Variants in KIAA0232 observed in about 807,000 individuals in gnomAD.
The protein encoded by KIAA0232 is KIAA0232, also known as uncharacterized protein KIAA0232.
KIAA0232 carries 27 observed loss-of-function variants against 122.0 expected under a neutral mutation model. That is an observed-to-expected ratio of 0.22 (90% CI 0.16 to 0.31). The LOEUF is 0.31. Among genes scored for constraint, KIAA0232 ranks in the 10% least tolerant of loss-of-function variants. The pLI, the probability that KIAA0232 is intolerant of heterozygous loss-of-function variation, is 1.00. For missense variants in KIAA0232, 1,551 were observed against 1,634.2 expected (o/e 0.95, Z 0.88); for synonymous variants, 613 against 587.6 (o/e 1.04, Z -0.63).
intron 3 of KIAA0232, among the ~76,000 whole-genome samples, chr4:6,835,078 C>T (rs1318932743): frequency 6.6e-6 from 1 of 152,092 alleles, no homozygotes; most frequent in Non-Finnish European, 1.5e-5. Context: ...AGCTGGAAGG[C>T]CCAAGATAGC....
intron 9 of KIAA0232, among the ~76,000 whole-genome samples, chr4:6,877,809 A>G (rs944603258): frequency 3.9e-5 from 6 of 152,122 alleles, no homozygotes; most frequent in Admixed American, 3.9e-4. Context: ...TCCTTTGGCA[A>G]CACCCCCACA....
rs780732536 is a variant in KIAA0232, at chr4:6,861,866, A to G, written c.1484A>G (p.Asn495Ser). 9 of 1,613,990 alleles carry G rather than the reference A, an allele frequency of 5.6e-6. No individual in the cohort carries two copies. Among genetic ancestry groups the G allele is most frequent in the African/African-American group, 2.7e-5 (2 of 74,944 alleles). ...GTSLCSLPEDNKYLDDIHLSE... is the reference protein window; with the variant it reads ...GTSLCSLPEDSKYLDDIHLSE... ...TCATTATGTTCTCTACCAGAGGACA[A>G]TAAATACCTGGATGATATTCATCTA... The change falls in exon 7 of 10, where the codon AAT becomes AGT. Residue 495 changes from asparagine (N) to serine (S), a missense_variant. Physicochemically the swap from Asn to Ser is conservative, Grantham distance 46. Transcript: ENST00000307659.
intron 5 of KIAA0232, among the ~76,000 whole-genome samples, chr4:6,857,705 T>G (rs1285891042): frequency 2.0e-5 from 3 of 152,220 alleles, no homozygotes; most frequent in Admixed American, 2.0e-4. Context: ...TTGACTCAGC[T>G]TTTTTGAAAA....
intron 2 of KIAA0232, among the ~76,000 whole-genome samples, chr4:6,820,251 ATAAAAG>A (rs1244167873): frequency 6.6e-6 from 1 of 152,184 alleles, no homozygotes; most frequent in Non-Finnish European, 1.5e-5. Flanking sequence ...TGAATCTAAA[ATAAAAG>A]TTAAAAAGAA....
chr4:6,849,300 C>A (rs1330800430), intron 4 of KIAA0232, among the ~76,000 whole-genome samples: 1 of 152,078 alleles, frequency 6.6e-6, no homozygotes, highest in African/African-American at 2.4e-5. Flanking sequence ...GGAAGACAGC[C>A]AAGGGTTTTG....
At chr4:6,794,426 G>T (rs755828855) in intron 1 of KIAA0232, among the ~76,000 whole-genome samples, 2 of 152,192 alleles carry the variant, frequency 1.3e-5, no homozygotes, top group Non-Finnish European at 2.9e-5. Context: ...GGTGATCTGA[G>T]CAGGGCACCT....
In KIAA0232 at chr4:6,842,139, G is replaced by A. The variant is rs1486481805; in HGVS notation, c.304G>A (p.Asp102Asn). ...KWGKSKKKCS[D>N]LTLEEMKKQA... ...GGGAAAGAGTAAGAAAAAATGTTCA[G>A]ATCTAACTCTAGAAGAAATGAAAAA... Residue 102 changes from aspartate to asparagine, a missense_variant, in exon 4 of 10, where the codon GAT becomes AAT. Coordinates refer to ENST00000307659, the MANE Select transcript of KIAA0232 (RefSeq NM_014743.3). The A allele has an allele frequency of 6.2e-7, 1 of 1,612,830 alleles. No individual in the cohort carries two copies. Among genetic ancestry groups the A allele is most frequent in the East Asian group, 2.2e-5 (1 of 44,788 alleles).
intron 1 of KIAA0232, among the ~76,000 whole-genome samples, chr4:6,786,390 C>T (rs1716617783): frequency 6.6e-6 from 1 of 152,218 alleles, no homozygotes; most frequent in Non-Finnish European, 1.5e-5. Flanking sequence ...GTAGCCTCAA[C>T]CTCCCAGGCT....
At chr4:6,817,844 A>C (rs1262635662) in intron 2 of KIAA0232, among the ~76,000 whole-genome samples, 1 of 152,106 alleles carries the variant, frequency 6.6e-6, no homozygotes, top group East Asian at 1.9e-4. Context: ...ATGTTTTGCA[A>C]GTATGCTGTT....
At position 6,864,135 on chromosome 4, in the gene KIAA0232, G is replaced by T; in HGVS notation, c.3753G>T (p.Gln1251His). Residue 1251 changes from glutamine (Q) to histidine (H), a missense_variant, in exon 7 of 10, where the codon CAG becomes CAT. Gln to His is a conservative substitution (Grantham distance 24). Around this residue, in one of 5 missense-constraint regions of KIAA0232, gnomAD observed 1,108 missense variants for 1,154.8 expected, o/e 0.96. Coordinates refer to ENST00000307659, the MANE Select transcript of KIAA0232 (RefSeq NM_014743.3). ...TTTGTGGTTGCAAAGCAGGTTGTCA[G>T]TTTCCTGCTTATGAAGATAATCCAG... is the stretch of plus-strand genomic sequence containing the variant. Reference protein sequence around the residue: ...NNFCGCKAGCQFPAYEDNPVS... With the variant: ...NNFCGCKAGCHFPAYEDNPVS... The T allele has an allele frequency of 1.2e-6, 2 of 1,614,072 alleles. No homozygotes were observed. The highest frequency in any genetic ancestry group is 1.7e-6 in the Non-Finnish European group (2 of 1,179,988).
chr4:6,856,077 A>G (rs564654703), intron 4 of KIAA0232, among the ~76,000 whole-genome samples: 2 of 152,200 alleles, frequency 1.3e-5, no homozygotes, highest in East Asian at 1.9e-4. Flanking sequence ...GATGTTTACA[A>G]TTAACTGTTT....
Position 6,846,386 on chromosome 4 carries a change from C to T in KIAA0232, c.369+4182C>T, listed in dbSNP as rs189648968. On this transcript the variant is annotated intron_variant, in intron 4 of 9. Transcript: ENST00000307659. ...GGGCTGCACAGCAGGAGGTGAACAG[C>T]GAGCAAGCTTTACCGCCTGAGCTCC... 3.0e-4 allele frequency among the ~76,000 whole-genome samples: 45 copies of T among 152,262 alleles called. 1 individual carries two copies. The East Asian group carries it at 7.7e-3, about 26-fold the overall frequency.
At chr4:6,785,627 G>A (rs1203528866) in intron 1 of KIAA0232, among the ~76,000 whole-genome samples, 1 of 152,156 alleles carries the variant, frequency 6.6e-6, no homozygotes, top group East Asian at 1.9e-4. Context: ...CAGGCTCCTC[G>A]CCACCCCTTC....
At chr4:6,831,024 C>CT (rs934670901) in intron 3 of KIAA0232, among the ~76,000 whole-genome samples, 4 of 151,010 alleles carry the variant, frequency 2.6e-5, no homozygotes, top group African/African-American at 9.7e-5. Context: ...CTTTCTTTCT[C>CT]TTTTTTTTTA....
At chr4:6,867,921 A>G (rs1721271505) in intron 7 of KIAA0232, among the ~76,000 whole-genome samples, 2 of 152,176 alleles carry the variant, frequency 1.3e-5, no homozygotes, top group South Asian at 4.1e-4. Flanking sequence ...GAAGACTTAG[A>G]CCAGCAGTTC....
chr4:6,870,857 T>A (rs1032760444), intron 7 of KIAA0232, among the ~76,000 whole-genome samples: 5 of 152,024 alleles, frequency 3.3e-5, no homozygotes, highest in Admixed American at 6.6e-5. Flanking sequence ...TACTTACTTC[T>A]GCCTGAATGT....
In KIAA0232 at chr4:6,843,927, C is replaced by CTTTTTTTTTTTT. The variant is rs373793407; in HGVS notation, c.369+1744_369+1755dup. On this transcript the variant is annotated intron_variant, in intron 4 of 9. Transcript: ENST00000307659. ...GGCGCAAGGACCGTGAGTTACCCAT[C>CTTTTTTTTTTTT]TTTTTTTTTTTTTTTTTTTTTTTTT... 2.6e-4 allele frequency among the ~76,000 whole-genome samples: 12 copies of CTTTTTTTTTTTT among 46,360 alleles called. 3 individuals are homozygous for CTTTTTTTTTTTT. Among genetic ancestry groups the CTTTTTTTTTTTT allele is most frequent in the African/African-American group, 8.2e-4 (12 of 14,678 alleles). The allele number at this position is 46,360 out of a possible 152,430, so 30.4% of individuals were successfully genotyped here. A position where few individuals can be genotyped will look rare whatever the true frequency, so the allele number is the denominator to read the frequency against.
At chr4:6,846,604 A>G (rs1203168470) in intron 4 of KIAA0232, among the ~76,000 whole-genome samples, 1 of 151,886 alleles carries the variant, frequency 6.6e-6, no homozygotes, top group African/African-American at 2.4e-5. Flanking sequence ...CCTGGTGCCA[A>G]AAACACTGGG....
chr4:6,812,882 CAGAA>C (rs1460555222), intron 2 of KIAA0232, among the ~76,000 whole-genome samples: 1 of 152,118 alleles, frequency 6.6e-6, no homozygotes, highest in Non-Finnish European at 1.5e-5. Flanking sequence ...GCAGCCATGT[CAGAA>C]AGAGAGTATG....
Sources: allele counts gnomAD v4.1 joint callset (sites outside exome capture counted in the v4.1 genomes callset), GRCh38; gene constraint gnomAD v4.1.1; regional missense constraint gnomAD v4.1.1; transcripts MANE v1.5; gene names NCBI Gene and HGNC (gene_info 2026-07-23, HGNC 2026-07-21).